The following CECR2 variants were observed in gnomAD, a reference collection of about 807,000 sequenced individuals.
CECR2 encodes the protein chromatin remodeling regulator CECR2.
Under a neutral mutation model 154.5 loss-of-function variants are expected in CECR2, and 30 were observed. That is an observed-to-expected ratio of 0.19 (90% CI 0.15 to 0.26). The LOEUF (loss-of-function observed/expected upper bound fraction) is 0.26. Among genes scored for constraint, CECR2 ranks in the 10% least tolerant of loss-of-function variants. CECR2 has a pLI of 1.00. For synonymous variants in CECR2, 725 were observed against 683.7 expected, an observed-to-expected ratio of 1.06 and a Z score of -0.94; for missense variants, 1,743 against 1,829.3, an observed-to-expected ratio of 0.95 and a Z score of 0.86.
intron 1 of CECR2, among the ~76,000 whole-genome samples, chr22:17,446,692 G>C (rs1381175826): frequency 6.6e-6 from 1 of 152,094 alleles, no homozygotes; most frequent in African/African-American, 2.4e-5. Context: ...CTCCAGCCTG[G>C]GTGACAGAGC....
chr22:17,436,809 A>T (rs1171215360), intron 1 of CECR2, among the ~76,000 whole-genome samples: 1 of 152,162 alleles, frequency 6.6e-6, no homozygotes, highest in African/African-American at 2.4e-5. Context: ...GTTTCAGGGT[A>T]ATTAATGTTT....
intron 8 of CECR2, among the ~76,000 whole-genome samples, chr22:17,512,707 GAAAA>G (rs774207282): frequency 1.6e-5 from 2 of 122,482 alleles, no homozygotes; most frequent in South Asian, 2.6e-4. Flanking sequence ...CTCTGTCTCA[GAAAA>G]AAAAAAAAAA....
intron 1 of CECR2, among the ~76,000 whole-genome samples, chr22:17,465,257 A>T (rs1415311922): frequency 6.6e-6 from 1 of 151,976 alleles, no homozygotes; most frequent in East Asian, 1.9e-4. Flanking sequence ...CGGCCTCCCA[A>T]AGTGCCGGGA....
Position 17,532,700 on chromosome 22 carries a change from C to CTTTTTTTTTTTTTTTTTTTT in CECR2, c.1109-4387_1109-4368dup, listed in dbSNP as rs695634. Among the ~76,000 whole-genome samples the CTTTTTTTTTTTTTTTTTTTT allele has an allele frequency of 1.1e-4, 4 of 35,792 alleles. 1 individual carries two copies. The highest frequency in any genetic ancestry group is 1.4e-4 in the Non-Finnish European group (3 of 21,414). 23.5% of individuals were successfully genotyped at this position (35,792 alleles called of 152,430 possible). ...CCAAGTAGGTATATTCATTATTATT[C>CTTTTTTTTTTTTTTTTTTTT]TTTTTTTTTTTTTTTTTTTTTTTTT... is the stretch of plus-strand genomic sequence containing the variant. On this transcript the variant is annotated intron_variant, in intron 9 of 18. Transcript: ENST00000262608.
At chr22:17,530,168 A>ATTT (rs35858380) in intron 9 of CECR2, among the ~76,000 whole-genome samples, 1 of 142,484 alleles carries the variant, frequency 7.0e-6, no homozygotes. Flanking sequence ...AGTTCCCTGA[A>ATTT]TTTTTTTTTT....
At chr22:17,476,330 T>A (rs1336329494) in intron 1 of CECR2, among the ~76,000 whole-genome samples, 6 of 151,968 alleles carry the variant, frequency 3.9e-5, no homozygotes, top group African/African-American at 1.5e-4. Flanking sequence ...GCTGGCACGA[T>A]CTCATTTCAC....
chr22:17,464,951 C>T (rs1347500015), intron 1 of CECR2, among the ~76,000 whole-genome samples: 3 of 151,862 alleles, frequency 2.0e-5, no homozygotes, highest in African/African-American at 7.2e-5. Flanking sequence ...GGTATTTGAC[C>T]TATAGGTAGG....
intron 7 of CECR2, among the ~76,000 whole-genome samples, chr22:17,505,331 G>A (rs2055819717): frequency 6.6e-6 from 1 of 150,502 alleles, no homozygotes; most frequent in Non-Finnish European, 1.5e-5. Context: ...GAGTCCCTGT[G>A]TAATGCTTTA....
intron 1 of CECR2, among the ~76,000 whole-genome samples, chr22:17,462,026 C>T (rs142759368): frequency 6.6e-6 from 1 of 151,744 alleles, no homozygotes; most frequent in Non-Finnish European, 1.5e-5. Flanking sequence ...CTCCTGACCT[C>T]GTGGTCCACC....
At chr22:17,422,222 G>GC (rs2054266449) in intron 1 of CECR2, among the ~76,000 whole-genome samples, 1 of 152,118 alleles carries the variant, frequency 6.6e-6, no homozygotes, top group Admixed American at 6.6e-5. Context: ...TTTTGAGACG[G>GC]AGTCTCACTC....
In CECR2 at chr22:17,557,635, GTTGATTGTCCTTGC is replaced by G. The variant is rs1361002961; in HGVS notation, c.*4799_*4812del. On this transcript the variant is annotated 3_prime_UTR_variant, in exon 19 of 19. Transcript: ENST00000262608. ...CTAACGTCAGAACGGCTGACGAGCA[GTTGATTGTCCTTGC>G]TTGTGTTGTTGACAGGGGTGGGTGG... 8.8e-6 allele frequency: 1 copy of G among 113,216 alleles called. No homozygotes were observed. Among genetic ancestry groups the G allele is most frequent in the African/African-American group, 3.4e-5 (1 of 29,290 alleles). 7.0% of individuals were successfully genotyped at this position (113,216 alleles called of 1,614,324 possible).
intron 1 of CECR2, among the ~76,000 whole-genome samples, chr22:17,436,289 C>G (rs1012667063): frequency 3.9e-5 from 6 of 152,128 alleles, no homozygotes; most frequent in African/African-American, 1.4e-4. Flanking sequence ...TTGCTGTTAG[C>G]TTAAATTATG....
At position 17,411,559 on chromosome 22, in the gene CECR2, G is replaced by A. The variant is rs534960267; in HGVS notation, c.126+41650G>A. The stretch of plus-strand genomic sequence containing the variant: ...AATGTTAGATATAAGATACAAGATG[G>A]GAAGAACTCAAGACTTGGGTTAGGC... On this transcript the variant is annotated intron_variant, in intron 1 of 18. Coordinates refer to ENST00000262608, the MANE Select transcript of CECR2 (RefSeq NM_001290047.2). 5.3e-5 allele frequency among the ~76,000 whole-genome samples: 8 copies of A among 152,282 alleles called. No individual in the cohort carries two copies. The South Asian group carries it at 1.0e-3, about 20-fold the overall frequency.
At chr22:17,448,225 TCC>T (rs2054708910) in intron 1 of CECR2, among the ~76,000 whole-genome samples, 3 of 152,208 alleles carry the variant, frequency 2.0e-5, no homozygotes. Context: ...GTACTACACA[TCC>T]ATGACTAAAA....
At chr22:17,533,088 C>A (rs183169171) in intron 9 of CECR2, among the ~76,000 whole-genome samples, 2 of 150,222 alleles carry the variant, frequency 1.3e-5, no homozygotes, top group African/African-American at 4.9e-5. Context: ...GAGGCCGAGG[C>A]GGGCAGATCA....
chr22:17,411,963 C>T (rs577250069), intron 1 of CECR2, among the ~76,000 whole-genome samples: 7 of 152,108 alleles, frequency 4.6e-5, no homozygotes, highest in African/African-American at 1.4e-4. Flanking sequence ...TGTTGTCGGA[C>T]GTCAAGGTTT....
chr22:17,538,190 C>A (rs116774476), intron 10 of CECR2, among the ~76,000 whole-genome samples: 1,790 of 152,248 alleles, frequency 0.012, 33 homozygotes, highest in African/African-American at 0.041. Context: ...TTCACTCCAG[C>A]CTAGGCAACA....
In CECR2 at chr22:17,542,661, A is replaced by C; in HGVS notation, c.2518A>C (p.Met840Leu). Reference protein sequence around the residue: ...LPHGVPSSGYMRPPCKSAGHR... With the variant: ...LPHGVPSSGYLRPPCKSAGHR... ...TCATGGAGTTCCTTCCTCAGGGTAC[A>C]TGCGACCGCCCTGCAAGTCTGCCGG... The change falls in exon 16 of 19, where the codon ATG becomes CTG. Residue 840 changes from methionine to leucine, a missense_variant. By Grantham distance (15) the Met-to-Leu change is conservative. Coordinates refer to ENST00000262608, the MANE Select transcript of CECR2 (RefSeq NM_001290047.2). 11 of 1,613,986 alleles carry C rather than the reference A, an allele frequency of 6.8e-6. No homozygotes were observed. The highest frequency in any genetic ancestry group is 9.3e-6 in the Non-Finnish European group (11 of 1,179,902).
rs552788343 is a variant in CECR2 at position 17,448,877 on chromosome 22, A to T, written c.127-28711A>T. Reference sequence around the variant, plus strand: ...TCAGATTCCTCTTTTTTATTTATTTATTATTTATTTATTTTTTTTGGAGAT... The same window carrying T: ...TCAGATTCCTCTTTTTTATTTATTTTTTATTTATTTATTTTTTTTGGAGAT... On this transcript the variant is annotated intron_variant, in intron 1 of 18. Transcript: ENST00000262608. 7.3e-5 allele frequency among the ~76,000 whole-genome samples: 11 copies of T among 150,986 alleles called. 1 individual carries two copies. The East Asian group carries it at 2.0e-3, about 27-fold the overall frequency.
Sources: gnomAD v4.1 joint callset for allele counts (sites outside exome capture counted in the v4.1 genomes callset) on GRCh38, gnomAD v4.1.1 for gene constraint, MANE v1.5 for transcripts, NCBI Gene and HGNC (gene_info 2026-07-23, HGNC 2026-07-21) for gene names.